Variants in FGD5 observed in about 807,000 individuals in gnomAD.
The protein encoded by FGD5 is FYVE, RhoGEF and PH domain containing 5.
In FGD5, 28 loss-of-function variants were observed where a neutral mutation model predicts 133.4. The observed-to-expected ratio is 0.21, with a 90% CI of 0.16 to 0.29. The LOEUF is 0.29. FGD5 is among the 10% of genes least tolerant of loss of function. FGD5 has a pLI of 1.00. For missense variants in FGD5, 1,858 were observed against 1,895.2 expected, an observed-to-expected ratio of 0.98 and a Z score of 0.36; for synonymous variants, 810 against 776.5, an observed-to-expected ratio of 1.04 and a Z score of -0.72.
chr3:14,903,623 G>A (rs1303665096), intron 9 of FGD5, among the ~76,000 whole-genome samples: 2 of 151,312 alleles, frequency 1.3e-5, no homozygotes, highest in Non-Finnish European at 1.5e-5. Flanking sequence ...TTGTTCTTGC[G>A]ATAGTTTACT....
chr3:14,818,856 G>A (rs1575184510), upstream of FGD5: 9 of 1,299,472 alleles, frequency 6.9e-6, no homozygotes, highest in East Asian at 2.0e-4. Context: ...TGGATGGACG[G>A]AACCATCTGT....
intron 1 of FGD5, among the ~76,000 whole-genome samples, chr3:14,851,379 G>T (rs543507765): frequency 6.6e-5 from 10 of 152,228 alleles, no homozygotes; most frequent in Non-Finnish European, 8.8e-5. Context: ...CTGATAAGTG[G>T]CAGAACTGGG....
At chr3:14,929,335 A>C (rs770824133) in intron 18 of FGD5, among the ~76,000 whole-genome samples, 5 of 152,176 alleles carry the variant, frequency 3.3e-5, no homozygotes, top group Non-Finnish European at 7.3e-5. Context: ...GGGAACATAA[A>C]TTTTTATTTC....
chr3:14,926,919 G>A (rs913196792), intron 18 of FGD5, among the ~76,000 whole-genome samples: 12 of 152,176 alleles, frequency 7.9e-5, no homozygotes, highest in African/African-American at 1.7e-4. Flanking sequence ...TTGCTCCACT[G>A]GGATATGCAT....
Position 14,820,767 on chromosome 3 carries a change from C to T in FGD5, c.1696C>T (p.Pro566Ser). Residue 566 changes from proline to serine, a missense_variant, in exon 1 of 20, where the codon CCT (proline) becomes TCT (serine). Pro to Ser is a moderately conservative substitution (Grantham distance 74, BLOSUM62 -1). Around this residue, in one of 3 missense-constraint regions of FGD5, gnomAD observed 1,824 missense variants for 1,848.9 expected, o/e 0.99. Transcript: ENST00000285046. Reference protein sequence around the residue: ...REIPVSVYQEPEGSGLDDHRI... With the variant: ...REIPVSVYQESEGSGLDDHRI... ...GATTCCAGTGTCCGTGTACCAGGAG[C>T]CTGAGGGGTCAGGGTTGGATGACCA... The T allele has an allele frequency of 6.2e-7, 1 of 1,613,162 alleles. No individual in the cohort carries two copies. The highest frequency in any genetic ancestry group is 8.5e-7 in the Non-Finnish European group (1 of 1,179,614).
intron 1 of FGD5, among the ~76,000 whole-genome samples, chr3:14,844,796 A>G (rs1479401652): frequency 6.6e-6 from 1 of 152,156 alleles, no homozygotes; most frequent in East Asian, 1.9e-4. Context: ...GAGCTAGCCC[A>G]GTGTTGTGCT....
intron 5 of FGD5, 33 bp downstream of exon 5, chr3:14,897,702 T>C (rs1311919767): frequency 2.6e-6 from 4 of 1,564,796 alleles, no homozygotes; most frequent in Non-Finnish European, 3.5e-6. Flanking sequence ...GGTTCCACTT[T>C]TGTTGCACTG....
intron 18 of FGD5, among the ~76,000 whole-genome samples, chr3:14,928,817 C>T (rs1242083890): frequency 6.6e-6 from 1 of 152,158 alleles, no homozygotes; most frequent in Non-Finnish European, 1.5e-5. Context: ...ACATTTCCTA[C>T]ATTTCTTTTA....
At chr3:14,921,157 G>A (rs2038672825) in intron 13 of FGD5, among the ~76,000 whole-genome samples, 1 of 152,228 alleles carries the variant, frequency 6.6e-6, no homozygotes, top group Non-Finnish European at 1.5e-5. Flanking sequence ...CACACTTGAA[G>A]CTCCCAGGGG....
In FGD5 at chr3:14,927,335, G is replaced by A. The variant is rs182079495; in HGVS notation, c.4197+1137G>A. On this transcript the variant is annotated intron_variant, in intron 18 of 19. Coordinates refer to ENST00000285046, the MANE Select transcript of FGD5 (RefSeq NM_152536.4). ...ACAGCATAAGCTTATTTTAAAAGGTGGATTTAGGGGCCTGGCATGGTGGTT... is the reference window on the plus strand; with the variant it reads ...ACAGCATAAGCTTATTTTAAAAGGTAGATTTAGGGGCCTGGCATGGTGGTT... Among the ~76,000 whole-genome samples the A allele has an allele frequency of 7.9e-5, 12 of 152,230 alleles. No homozygotes were observed. In the South Asian group the frequency reaches 2.1e-3, roughly 26 times the overall value.
At chr3:14,825,039 C>T (rs2036574858) in intron 1 of FGD5, among the ~76,000 whole-genome samples, 1 of 152,114 alleles carries the variant, frequency 6.6e-6, no homozygotes, top group African/African-American at 2.4e-5. Context: ...AAAATCCAAG[C>T]CCTTTTTCTG....
rs113178194 is a variant in FGD5 at position 14,933,545 on chromosome 3, A to G, written c.*378A>G. ...AGCTCTTACAGTTTTTACTCATGAT[A>G]AATCTTATCACCTTTCAAAAATTGA... is the stretch of plus-strand genomic sequence containing the variant. On this transcript the variant is annotated 3_prime_UTR_variant, in exon 20 of 20. Transcript: ENST00000285046. The G allele has an allele frequency of 5.5e-3, 1,203 of 217,730 alleles. 6 individuals are homozygous for G. Among genetic ancestry groups the G allele is most frequent in the Middle Eastern group, 0.014 (8 of 554 alleles). The allele number at this position is 217,730 out of a possible 1,614,324, so 13.5% of individuals were successfully genotyped here.
At chr3:14,889,254 A>G (rs1310763495) in intron 4 of FGD5, among the ~76,000 whole-genome samples, 1 of 152,166 alleles carries the variant, frequency 6.6e-6, no homozygotes. Flanking sequence ...TCATCCCAGA[A>G]GATTCCTGTC....
chr3:14,851,920 A>C (rs929826809), intron 1 of FGD5, among the ~76,000 whole-genome samples: 2 of 86,146 alleles, frequency 2.3e-5, no homozygotes, highest in Non-Finnish European at 5.3e-5. Flanking sequence ...TAGGATGGCT[A>C]AGATAAAAAA....
chr3:14,863,717 A>T (rs1273725200), intron 1 of FGD5, among the ~76,000 whole-genome samples: 1 of 152,182 alleles, frequency 6.6e-6, no homozygotes, highest in Non-Finnish European at 1.5e-5. Flanking sequence ...CACGTCCTGG[A>T]TTCTGTCCAC....
At chr3:14,866,423 A>G (rs78434736) in intron 2 of FGD5, among the ~76,000 whole-genome samples, 13,038 of 152,052 alleles carry the variant, frequency 0.086, 754 homozygotes, top group East Asian at 0.3. Flanking sequence ...GACATTGGCT[A>G]TTACCCAGGA....
intron 7 of FGD5, among the ~76,000 whole-genome samples, chr3:14,900,100 GC>G (rs985136137): frequency 1.3e-5 from 2 of 152,194 alleles, no homozygotes; most frequent in African/African-American, 4.8e-5. Context: ...CATGTCTGTC[GC>G]CCCCAGTGGG....
chr3:14,827,042 A>G (rs1286162352), intron 1 of FGD5, among the ~76,000 whole-genome samples: 3 of 152,172 alleles, frequency 2.0e-5, no homozygotes, highest in African/African-American at 7.2e-5. Flanking sequence ...GCCTGTCTCT[A>G]TTATTATGAC....
chr3:14,855,766 C>G (rs542283151), intron 1 of FGD5, among the ~76,000 whole-genome samples: 2 of 151,974 alleles, frequency 1.3e-5, no homozygotes, highest in African/African-American at 2.4e-5. Context: ...CTTATCTATT[C>G]TGGATATTAA....
Sources: gnomAD v4.1 joint callset for allele counts (sites outside exome capture counted in the v4.1 genomes callset) on GRCh38, gnomAD v4.1.1 for gene constraint, gnomAD v4.1.1 regional missense constraint, MANE v1.5 for transcripts, NCBI Gene and HGNC (gene_info 2026-07-23, HGNC 2026-07-21) for gene names.